ZC3H14: variants seen among roughly 807,000 people sequenced by gnomAD.
The protein encoded by ZC3H14 is zinc finger CCCH domain-containing protein 14.
ZC3H14 carries 31 observed loss-of-function variants against 92.4 expected under a neutral mutation model. The ratio of observed to expected loss-of-function variants is 0.34; its 90% CI spans 0.25 to 0.45. The LOEUF is 0.45. Among genes scored for constraint, ZC3H14 ranks in the 20% least tolerant of loss-of-function variants. The pLI is 1.00. For synonymous variants in ZC3H14, 321 were observed against 300.9 expected (o/e 1.07, Z -0.69); for missense variants, 781 against 897.3 (o/e 0.87, Z 1.66).
Position 88,563,153 on chromosome 14 carries a change from T to C in ZC3H14, c.20T>C (p.Ile7Thr). Residue 7 changes from isoleucine (I) to threonine (T), a missense_variant, in exon 1 of 17, where the codon ATC becomes ACC. By Grantham distance (89) the Ile-to-Thr change is moderately conservative. Coordinates refer to ENST00000251038, the MANE Select transcript of ZC3H14 (RefSeq NM_024824.5). MEIGTE[I>T]SRKIRSAIKG... ...AGAGCCATGGAGATCGGCACCGAGA[T>C]CAGCCGCAAGATCCGGGTGAGGCCC... 1.9e-6 allele frequency: 3 copies of C among 1,602,212 alleles called. No homozygotes were observed. Among genetic ancestry groups the C allele is most frequent in the Non-Finnish European group, 2.5e-6 (3 of 1,176,800 alleles).
chr14:88,595,276 A>G (rs2083658625), intron 9 of ZC3H14, among the ~76,000 whole-genome samples: 1 of 152,198 alleles, frequency 6.6e-6, no homozygotes, highest in Non-Finnish European at 1.5e-5. Flanking sequence ...TAGCTTAGCA[A>G]TCTAGAATTG....
At chr14:88,568,924 C>T (rs2080042125) in intron 3 of ZC3H14, among the ~76,000 whole-genome samples, 1 of 152,022 alleles carries the variant, frequency 6.6e-6, no homozygotes, top group Admixed American at 6.6e-5. Flanking sequence ...GCTCTGTCAC[C>T]AGGCTGGAGC....
chr14:88,618,812 T>G lies in ZC3H14; in HGVS notation c.*7061T>G. On this transcript the variant is annotated 3_prime_UTR_variant, in exon 17 of 17. Coordinates refer to ENST00000251038, the MANE Select transcript of ZC3H14 (RefSeq NM_024824.5). Reference sequence around the variant, plus strand: ...CCAGATACCGGGAATCCGGACTAAATCTGAATCAAAACAAAACGTAAAAAG... The same window carrying G: ...CCAGATACCGGGAATCCGGACTAAAGCTGAATCAAAACAAAACGTAAAAAG... 1 of 1,574,516 alleles carries G rather than the reference T, an allele frequency of 6.4e-7. No individual in the cohort carries two copies. The highest frequency in any genetic ancestry group is 8.6e-7 in the Non-Finnish European group (1 of 1,159,186).
chr14:88,617,486 T>TG lies in ZC3H14; in HGVS notation c.*5737dup, dbSNP rs1817969092. The TG allele has an allele frequency of 6.6e-6, 1 of 152,386 alleles. No individual in the cohort carries two copies. Among genetic ancestry groups the TG allele is most frequent in the Non-Finnish European group, 1.5e-5 (1 of 68,198 alleles). 9.4% of individuals were successfully genotyped at this position (152,386 alleles called of 1,614,324 possible). ...TATTTTTCAAATTAAAAGTGCTACT[T>TG]GGCTGGGTCCAGCAGCACATACCAG... On this transcript the variant is annotated 3_prime_UTR_variant, in exon 17 of 17. Transcript: ENST00000251038.
chr14:88,625,171 C>A lies in ZC3H14; in HGVS notation c.*13420C>A. The A allele has an allele frequency of 6.2e-7, 1 of 1,601,952 alleles. No individual in the cohort carries two copies. Among genetic ancestry groups the A allele is most frequent in the South Asian group, 1.1e-5 (1 of 88,974 alleles). ...GGGGGAGACAAACTCATCAAAAGTTCAAATAGAGTTTAAATAGATAATTTT... is the reference window on the plus strand; with the variant it reads ...GGGGGAGACAAACTCATCAAAAGTTAAAATAGAGTTTAAATAGATAATTTT... On this transcript the variant is annotated 3_prime_UTR_variant, in exon 17 of 17. Coordinates refer to ENST00000251038, the MANE Select transcript of ZC3H14 (RefSeq NM_024824.5).
intron 10 of ZC3H14, among the ~76,000 whole-genome samples, chr14:88,601,589 C>G (rs898707203): frequency 6.6e-6 from 1 of 152,174 alleles, no homozygotes; most frequent in African/African-American, 2.4e-5. Flanking sequence ...CATTAGGACT[C>G]AAATTCTCCA....
intron 2 of ZC3H14, among the ~76,000 whole-genome samples, chr14:88,565,466 ATTATT>A (rs1168016752): frequency 5.3e-5 from 8 of 152,200 alleles, no homozygotes; most frequent in African/African-American, 1.2e-4. Context: ...TTAAAAAATA[ATTATT>A]TTATACTGCA....
rs1221838419 is a variant in ZC3H14, at chr14:88,623,379, G to A, written c.*11628G>A. 2.6e-5 allele frequency: 4 copies of A among 152,068 alleles called. No individual in the cohort carries two copies. The highest frequency in any genetic ancestry group is 9.7e-5 in the African/African-American group (4 of 41,406). The allele number at this position is 152,068 out of a possible 1,614,324, so 9.4% of individuals were successfully genotyped here. On this transcript the variant is annotated 3_prime_UTR_variant, in exon 17 of 17. Transcript: ENST00000251038. ...ATTTTATTAAAAGGATAATGGAAAT[G>A]TAAGGCAAAATAATAGAATTACAAA...
At chr14:88,587,399 C>T (rs1169046504) in intron 9 of ZC3H14, among the ~76,000 whole-genome samples, 1 of 152,102 alleles carries the variant, frequency 6.6e-6, no homozygotes, top group East Asian at 1.9e-4. Flanking sequence ...CTCCTGAGCT[C>T]AGGCAGTCTG....
At chr14:88,590,522 G>A (rs2082999957) in intron 9 of ZC3H14, 1 of 152,266 alleles carries the variant, frequency 6.6e-6, no homozygotes, top group Admixed American at 6.5e-5. Flanking sequence ...TCTCATCCAT[G>A]TGTCATCTTT....
intron 13 of ZC3H14, chr14:88,608,415 C>G: frequency 2.9e-6 from 1 of 345,496 alleles, no homozygotes; most frequent in South Asian, 2.3e-5. Context: ...TATCTTACAC[C>G]TTATTTTGTT....
chr14:88,619,487 G>A lies in ZC3H14; in HGVS notation c.*7736G>A, dbSNP rs552240852. ...CCCAAGGTACTGGGATTACAGGTGTGAGCCACAACACCCAGTCAGAACATC... is the reference window on the plus strand; with the variant it reads ...CCCAAGGTACTGGGATTACAGGTGTAAGCCACAACACCCAGTCAGAACATC... On this transcript the variant is annotated 3_prime_UTR_variant, in exon 17 of 17. Transcript: ENST00000251038. 6.6e-6 allele frequency: 1 copy of A among 152,336 alleles called. No individual in the cohort carries two copies. Among genetic ancestry groups the A allele is most frequent in the South Asian group, 2.1e-4 (1 of 4,828 alleles). 9.4% of individuals were successfully genotyped at this position (152,336 alleles called of 1,614,324 possible). A position where few individuals can be genotyped will look rare whatever the true frequency, so the allele number is the denominator to read the frequency against.
rs372138102 is a variant in ZC3H14, at chr14:88,581,556, G to A, written c.1279+3416G>A. ...AGCCTGGGCAACAGAGTGAGATTCC[G>A]TCTCAAGAAAAAATAAAAATAAAAA... On this transcript the variant is annotated intron_variant, in intron 9 of 16. Coordinates refer to ENST00000251038, the MANE Select transcript of ZC3H14 (RefSeq NM_024824.5). 2.1e-4 allele frequency among the ~76,000 whole-genome samples: 32 copies of A among 152,082 alleles called. 1 individual carries two copies. Among genetic ancestry groups the A allele is most frequent in the African/African-American group, 6.3e-4 (26 of 41,484 alleles).
intron 9 of ZC3H14, chr14:88,590,761 GCA>G (rs1247674823): frequency 2.6e-5 from 4 of 152,186 alleles, no homozygotes; most frequent in Non-Finnish European, 5.9e-5. Context: ...TCCTTTTTGA[GCA>G]GGGATTTATG....
At chr14:88,602,706 C>G in intron 11 of ZC3H14, 122 bp from the exon 12 acceptor site, 2 of 1,059,490 alleles carry the variant, frequency 1.9e-6, no homozygotes, top group African/African-American at 1.6e-5. Flanking sequence ...CCTACCTAGT[C>G]TTTTTTTATT....
In ZC3H14 at chr14:88,621,332, T is replaced by G. The variant is rs1187557058; in HGVS notation, c.*9581T>G. ...ACACAAGCAGGACCAATACAGTGAATGTAATACAACAGCTGCTTTTCTTCT... is the reference window on the plus strand; with the variant it reads ...ACACAAGCAGGACCAATACAGTGAAGGTAATACAACAGCTGCTTTTCTTCT... On this transcript the variant is annotated 3_prime_UTR_variant, in exon 17 of 17. Coordinates refer to ENST00000251038, the MANE Select transcript of ZC3H14 (RefSeq NM_024824.5). The G allele has an allele frequency of 1.2e-6, 2 of 1,611,390 alleles. No individual in the cohort carries two copies. The highest frequency in any genetic ancestry group is 1.7e-6 in the Non-Finnish European group (2 of 1,177,826).
At chr14:88,563,224 G>A in intron 1 of ZC3H14, 55 bp downstream of exon 1, 1 of 1,576,788 alleles carries the variant, frequency 6.3e-7, no homozygotes, top group Non-Finnish European at 8.6e-7. Context: ...GCGGGCGGTT[G>A]TCAGGAGTAA....
Position 88,618,309 on chromosome 14 carries a change from C to A in ZC3H14, c.*6558C>A, listed in dbSNP as rs758575543. 2 of 1,613,572 alleles carry A rather than the reference C, an allele frequency of 1.2e-6. No individual in the cohort carries two copies. The highest frequency in any genetic ancestry group is 1.7e-6 in the Non-Finnish European group (2 of 1,179,808). The stretch of plus-strand genomic sequence containing the variant: ...TCCTGAAGGCACTTCATAGACATGC[C>A]GTTTATAGCAGCCACTAGAGACCTT... On this transcript the variant is annotated 3_prime_UTR_variant, in exon 17 of 17. Coordinates refer to ENST00000251038, the MANE Select transcript of ZC3H14 (RefSeq NM_024824.5).
intron 8 of ZC3H14, among the ~76,000 whole-genome samples, chr14:88,576,840 G>C (rs1333469329): frequency 6.6e-6 from 1 of 152,060 alleles, no homozygotes; most frequent in African/African-American, 2.4e-5. Context: ...GCCCAGGCTG[G>C]AGTGCAGTGG....
Sources: allele counts gnomAD v4.1 joint callset (sites outside exome capture counted in the v4.1 genomes callset), GRCh38; gene constraint gnomAD v4.1.1; transcripts MANE v1.5; gene names NCBI Gene and HGNC (gene_info 2026-07-23, HGNC 2026-07-21).